Variants in PTPRD observed in about 807,000 individuals in gnomAD.
PTPRD encodes the protein receptor-type tyrosine-protein phosphatase delta.
A neutral mutation model predicts 214.5 loss-of-function variants in PTPRD; 34 were observed. That is an observed-to-expected ratio of 0.16 (90% CI 0.12 to 0.21). The LOEUF (loss-of-function observed/expected upper bound fraction) is 0.21, where lower values mean the gene tolerates loss of function less well. PTPRD is among the 10% of genes least tolerant of loss of function. The pLI, the probability that PTPRD is intolerant of heterozygous loss-of-function variation, is 1.00. For missense variants in PTPRD, 2,545 were observed against 2,398.7 expected, an observed-to-expected ratio of 1.06 and a Z score of -1.27; for synonymous variants, 1,128 against 845.7, an observed-to-expected ratio of 1.33 and a Z score of -5.79.
intron 2 of PTPRD, among the ~76,000 whole-genome samples, chr9:10,377,124 T>G (rs1400055453): frequency 1.3e-5 from 2 of 152,016 alleles, no homozygotes; most frequent in East Asian, 3.9e-4. Context: ...ATTTTCGTTT[T>G]TAGATCCCAC....
At chr9:10,420,874 G>A (rs2098539302) in intron 2 of PTPRD, among the ~76,000 whole-genome samples, 1 of 151,452 alleles carries the variant, frequency 6.6e-6, no homozygotes, top group Non-Finnish European at 1.5e-5. Flanking sequence ...TGTAATGAAT[G>A]GATATTATTT....
intron 3 of PTPRD, among the ~76,000 whole-genome samples, chr9:10,168,142 ATAT>A (rs1374248094): frequency 6.6e-6 from 1 of 152,228 alleles, no homozygotes; most frequent in Non-Finnish European, 1.5e-5. Flanking sequence ...ATTTTCTAAA[ATAT>A]TATTACAAAA....
chr9:8,684,977 G>C (rs577269675), intron 12 of PTPRD, among the ~76,000 whole-genome samples: 10 of 152,106 alleles, frequency 6.6e-5, no homozygotes, highest in African/African-American at 1.9e-4. Context: ...TGCTTTGAGT[G>C]AATTTCTGCA....
intron 2 of PTPRD, among the ~76,000 whole-genome samples, chr9:10,523,052 C>G (rs1301171984): frequency 6.6e-6 from 1 of 151,798 alleles, no homozygotes; most frequent in Non-Finnish European, 1.5e-5. Flanking sequence ...ACCTGTTTCA[C>G]GTTTGTTGGA....
In PTPRD at chr9:9,951,422, T is replaced by C. The variant is rs192817413; in HGVS notation, c.-471-12812A>G. Among the ~76,000 whole-genome samples the C allele has an allele frequency of 1.4e-3, 220 of 152,318 alleles. 3 individuals carry two copies. The East Asian group carries it at 0.034, about 24-fold the overall frequency. On this transcript the variant is annotated intron_variant, in intron 4 of 45. Coordinates refer to ENST00000381196, the MANE Select transcript of PTPRD (RefSeq NM_002839.4). The stretch of plus-strand genomic sequence containing the variant: ...CCTTAATATATTTATGACAAAGCTA[T>C]GGCTCTTATTGAAAAAATGAAACAA...
chr9:8,800,590 T>C (rs2096551728), intron 11 of PTPRD, among the ~76,000 whole-genome samples: 1 of 152,172 alleles, frequency 6.6e-6, no homozygotes, highest in Non-Finnish European at 1.5e-5. Flanking sequence ...CAGGAAGTTA[T>C]CCTAGATGTT....
intron 9 of PTPRD, among the ~76,000 whole-genome samples, chr9:9,361,180 G>T (rs911914334): frequency 2.0e-5 from 3 of 151,050 alleles, no homozygotes; most frequent in Admixed American, 6.6e-5. Flanking sequence ...CAACTCAATT[G>T]TAATAGGAAC....
At chr9:10,246,380 A>G (rs549952160) in intron 3 of PTPRD, among the ~76,000 whole-genome samples, 44 of 152,208 alleles carry the variant, frequency 2.9e-4, no homozygotes, top group African/African-American at 7.5e-4. Flanking sequence ...AGTAGGTGGG[A>G]TTACAGGTGC....
intron 9 of PTPRD, among the ~76,000 whole-genome samples, chr9:9,258,073 TAATA>T (rs1569565863): frequency 7.0e-6 from 1 of 142,900 alleles, no homozygotes; most frequent in Admixed American, 7.2e-5. Flanking sequence ...TGAAAAAAGC[TAATA>T]AATGAATGGA....
intron 10 of PTPRD, among the ~76,000 whole-genome samples, chr9:9,149,032 C>A (rs1361575055): frequency 6.6e-6 from 1 of 152,122 alleles, no homozygotes; most frequent in Non-Finnish European, 1.5e-5. Context: ...TAATGAAGAA[C>A]TTTATTTTCA....
At chr9:8,879,750 A>C (rs2098426066) in intron 11 of PTPRD, among the ~76,000 whole-genome samples, 1 of 152,200 alleles carries the variant, frequency 6.6e-6, no homozygotes. Flanking sequence ...GGGAAAGCTC[A>C]TTAGGGTTTG....
rs529858330 is a variant in PTPRD at position 9,877,251 on chromosome 9, C to T, written c.-368+61256G>A. Among the ~76,000 whole-genome samples, 15 of 152,188 alleles carry T rather than the reference C, an allele frequency of 9.9e-5. No individual in the cohort carries two copies. In the South Asian group the frequency reaches 2.9e-3, roughly 30 times the overall value. Reference sequence around the variant, plus strand: ...GTAATTCTATATTTTTCTTATAAAACAGATAGTGACCCAAGAACAACTGTC... The same window carrying T: ...GTAATTCTATATTTTTCTTATAAAATAGATAGTGACCCAAGAACAACTGTC... On this transcript the variant is annotated intron_variant, in intron 5 of 45. Coordinates refer to ENST00000381196, the MANE Select transcript of PTPRD (RefSeq NM_002839.4).
At position 8,826,839 on chromosome 9, in the gene PTPRD, C is replaced by T. The variant is rs377501413; in HGVS notation, c.-103-92893G>A. ...TTTAGAGCCTTGCGTGGTCTGGTCT[C>T]TGACAACTTCTCCCAACTCTCTAAC... On this transcript the variant is annotated intron_variant, in intron 11 of 45. Transcript: ENST00000381196. 5.3e-5 allele frequency among the ~76,000 whole-genome samples: 8 copies of T among 152,090 alleles called. No individual in the cohort carries two copies. In the East Asian group the frequency reaches 9.7e-4, roughly 18 times the overall value.
intron 3 of PTPRD, among the ~76,000 whole-genome samples, chr9:10,339,264 G>C (rs2096897080): frequency 6.6e-6 from 1 of 151,694 alleles, no homozygotes; most frequent in South Asian, 2.1e-4. Context: ...GACATTTTAG[G>C]AACTAAATCA....
At chr9:9,724,044 G>C (rs1172195412) in intron 7 of PTPRD, among the ~76,000 whole-genome samples, 1 of 151,816 alleles carries the variant, frequency 6.6e-6, no homozygotes, top group African/African-American at 2.4e-5. Flanking sequence ...GAATAGAAGT[G>C]GCCACCACTT....
chr9:10,519,599 AT>A (rs1237344082), intron 2 of PTPRD, among the ~76,000 whole-genome samples: 1 of 152,038 alleles, frequency 6.6e-6, no homozygotes, highest in Non-Finnish European at 1.5e-5. Context: ...CAGCTATTGC[AT>A]TTTTTTATAA....
chr9:8,832,711 C>A (rs771453180), intron 11 of PTPRD, among the ~76,000 whole-genome samples: 1 of 152,048 alleles, frequency 6.6e-6, no homozygotes, highest in Non-Finnish European at 1.5e-5. Context: ...AATGTGAAAT[C>A]TTTCAACTGT....
intron 3 of PTPRD, among the ~76,000 whole-genome samples, chr9:10,236,188 C>T (rs1489873706): frequency 2.0e-5 from 3 of 151,842 alleles, no homozygotes; most frequent in Non-Finnish European, 4.4e-5. Context: ...AGAATTCTAG[C>T]CAGGAAGCTA....
chr9:8,786,033 T>G (rs898025407), intron 11 of PTPRD, among the ~76,000 whole-genome samples: 8 of 143,224 alleles, frequency 5.6e-5, no homozygotes, highest in Admixed American at 5.6e-4. Flanking sequence ...GCTTAATTTG[T>G]TGTGTGTGTG....
Sources: allele counts gnomAD v4.1 joint callset (sites outside exome capture counted in the v4.1 genomes callset), GRCh38; gene constraint gnomAD v4.1.1; transcripts MANE v1.5; gene names NCBI Gene and HGNC (gene_info 2026-07-23, HGNC 2026-07-21).